PRDM11: variants seen among roughly 807,000 people sequenced by gnomAD.
The protein encoded by PRDM11 is PR domain-containing protein 11.
PRDM11 carries 20 observed loss-of-function variants against 97.8 expected under a neutral mutation model. The ratio of observed to expected loss-of-function variants is 0.20; its 90% CI spans 0.14 to 0.30. The LOEUF is 0.30. Ranked by LOEUF, PRDM11 falls within the 10% of genes least tolerant of loss-of-function variation. PRDM11 has a pLI of 1.00. For synonymous variants in PRDM11, 599 were observed against 637.7 expected (o/e 0.94, Z 0.91); for missense variants, 1,139 against 1,555.2 (o/e 0.73, Z 4.50).
chr11:45,208,649 C>G (rs1029379294), intron 5 of PRDM11, among the ~76,000 whole-genome samples: 1 of 152,092 alleles, frequency 6.6e-6, no homozygotes, highest in Non-Finnish European at 1.5e-5. Flanking sequence ...CCAAGGCCTT[C>G]GACTCTGAGT....
At chr11:45,200,295 G>T (rs1306792522) in intron 4 of PRDM11, among the ~76,000 whole-genome samples, 1 of 152,194 alleles carries the variant, frequency 6.6e-6, no homozygotes, top group Non-Finnish European at 1.5e-5. Context: ...AGATGAAACT[G>T]CCAAGACTGA....
chr11:45,171,146 C>T lies in PRDM11; in HGVS notation c.-6-10615C>T, dbSNP rs1365219707. ...ATGGAGTTTTGCTCTGTCACCCAGG[C>T]TCAAGTGCAATGGTGCAATCTAGGC... On this transcript the variant is annotated intron_variant, in intron 1 of 7. Coordinates refer to ENST00000683152, the MANE Select transcript of PRDM11 (RefSeq NM_001384648.1). Among the ~76,000 whole-genome samples, 3 of 151,958 alleles carry T rather than the reference C, an allele frequency of 2.0e-5. No homozygotes were observed. In the South Asian group the frequency reaches 6.2e-4, roughly 32 times the overall value.
At chr11:45,158,400 G>T (rs1244075842) in intron 1 of PRDM11, among the ~76,000 whole-genome samples, 1 of 152,234 alleles carries the variant, frequency 6.6e-6, no homozygotes, top group Non-Finnish European at 1.5e-5. Flanking sequence ...GACAGGCTGG[G>T]CCCCAGCAGC....
At chr11:45,203,539 T>C (rs1172081038) in intron 4 of PRDM11, among the ~76,000 whole-genome samples, 1 of 151,896 alleles carries the variant, frequency 6.6e-6, no homozygotes, top group East Asian at 1.9e-4. Flanking sequence ...TGAGATATTT[T>C]TCCAGAGAGT....
intron 1 of PRDM11, among the ~76,000 whole-genome samples, chr11:45,148,221 G>T (rs1208222495): frequency 6.6e-6 from 1 of 152,110 alleles, no homozygotes; most frequent in Non-Finnish European, 1.5e-5. Context: ...TAATGGAAAG[G>T]CTTTCTCTCT....
rs538028199 is a variant in PRDM11 at position 45,130,308 on chromosome 11, G to A, written c.96+34407G>A. Reference sequence around the variant, plus strand: ...CTGTTCATTAAAAGACATCAGGAGCGTGAAAAGGCAAAATATACACTGGGA... The same window carrying A: ...CTGTTCATTAAAAGACATCAGGAGCATGAAAAGGCAAAATATACACTGGGA... On this transcript the variant is annotated intron_variant, in intron 1 of 6. Coordinates refer to the PRDM11 transcript ENST00000530656. Among the ~76,000 whole-genome samples, 26 of 152,160 alleles carry A rather than the reference G, an allele frequency of 1.7e-4. No individual in the cohort carries two copies. The South Asian group carries it at 2.5e-3, about 15-fold the overall frequency.
At chr11:45,222,892 T>C (rs1854158601) in intron 6 of PRDM11, among the ~76,000 whole-genome samples, 2 of 152,216 alleles carry the variant, frequency 1.3e-5, no homozygotes. Flanking sequence ...ACCTTTGAGA[T>C]TTCTGAGTTC....
chr11:45,209,233 C>T (rs1345719601), intron 5 of PRDM11: 4 of 412,812 alleles, frequency 9.7e-6, no homozygotes, highest in South Asian at 3.5e-5. Context: ...CTGCTCACGG[C>T]CCGTGCAGGG....
chr11:45,099,175 G>A (rs576303761), intron 1 of PRDM11, among the ~76,000 whole-genome samples: 3 of 151,472 alleles, frequency 2.0e-5, no homozygotes, highest in South Asian at 2.1e-4. Context: ...GCTCTGGGCC[G>A]GGTGTGGTGG....
chr11:45,127,192 T>A (rs886994983), intron 1 of PRDM11, among the ~76,000 whole-genome samples: 1 of 152,238 alleles, frequency 6.6e-6, no homozygotes, highest in Non-Finnish European at 1.5e-5. Flanking sequence ...CTCCATCAGC[T>A]CCTTTAAGCA....
chr11:45,152,528 G>A (rs1434936318), intron 1 of PRDM11, among the ~76,000 whole-genome samples: 2 of 152,152 alleles, frequency 1.3e-5, no homozygotes, highest in African/African-American at 4.8e-5. Flanking sequence ...TTCCCAGAGA[G>A]CTGGGTTTTT....
Position 45,231,463 on chromosome 11 carries a change from T to C in PRDM11, c.*3304T>C, listed in dbSNP as rs1260653254. The C allele has an allele frequency of 1.3e-5, 2 of 152,094 alleles. No individual in the cohort carries two copies. The highest frequency in any genetic ancestry group is 2.9e-5 in the Non-Finnish European group (2 of 68,034). 9.4% of individuals were successfully genotyped at this position (152,094 alleles called of 1,614,324 possible). On this transcript the variant is annotated 3_prime_UTR_variant, in exon 8 of 8. Transcript: ENST00000683152. ...GTTACTTCAGACAAGACAGAGCCCT[T>C]TAACTCAGCCTCTGGCTTAGGAGTG...
chr11:45,230,039 T>TC lies in PRDM11; in HGVS notation c.*1883dup, dbSNP rs1176390351. On this transcript the variant is annotated 3_prime_UTR_variant, in exon 8 of 8. Coordinates refer to ENST00000683152, the MANE Select transcript of PRDM11 (RefSeq NM_001384648.1). ...CACCAGTCCCTTCATCCCCTACCAA[T>TC]CCCTTCCCCTTCACCTCCATGGTCT... is the stretch of plus-strand genomic sequence containing the variant. The TC allele has an allele frequency of 6.6e-6, 1 of 152,170 alleles. No homozygotes were observed. The allele number at this position is 152,170 out of a possible 1,614,324, so 9.4% of individuals were successfully genotyped here.
At chr11:45,153,246 A>T (rs1203259857) in intron 1 of PRDM11, among the ~76,000 whole-genome samples, 1 of 152,232 alleles carries the variant, frequency 6.6e-6, no homozygotes, top group South Asian at 2.1e-4. Context: ...GTCCCTTGGC[A>T]GGGAAAGGGA....
chr11:45,110,439 G>GGA lies in PRDM11; in HGVS notation c.96+14540_96+14541dup, dbSNP rs1411155637. ...TACAATTTTTCTAAAGGGCCAGGTAGGAGTTTGAGGAATTTCTTCTAAGCC... is the reference window on the plus strand; with the variant it reads ...TACAATTTTTCTAAAGGGCCAGGTAGGAGAGTTTGAGGAATTTCTTCTAAGCC... On this transcript the variant is annotated intron_variant, in intron 1 of 6. Transcript: ENST00000530656. Among the ~76,000 whole-genome samples the GGA allele has an allele frequency of 3.3e-5, 5 of 152,226 alleles. No individual in the cohort carries two copies. In the East Asian group the frequency reaches 9.6e-4, roughly 29 times the overall value.
chr11:45,226,826 C>G lies in PRDM11; in HGVS notation c.2201C>G (p.Ala734Gly). Residue 734 changes from alanine (A) to glycine (G), a missense_variant, in exon 8 of 8, where the codon GCC becomes GGC. Physicochemically the swap from Ala to Gly is moderately conservative, Grantham distance 60. Transcript: ENST00000683152. ...KPTVGLGVDG[A>G]NITASLRASM... ...ACTGTTGGCTTGGGTGTAGATGGAG[C>G]CAACATCACAGCCAGCCTCCGTGCC... 6.5e-7 allele frequency: 1 copy of G among 1,532,924 alleles called. No homozygotes were observed. The allele number at this position is 1,532,924 out of a possible 1,614,324, so 95.0% of individuals were successfully genotyped here. A position where few individuals can be genotyped will look rare whatever the true frequency, so the allele number is the denominator to read the frequency against.
At chr11:45,121,059 C>CA in intron 1 of PRDM11, among the ~76,000 whole-genome samples, 1 of 151,738 alleles carries the variant, frequency 6.6e-6, no homozygotes, top group South Asian at 2.1e-4. Context: ...ACAGAAGTGA[C>CA]AAAAATAGTC....
Position 45,127,893 on chromosome 11 carries a change from C to T in PRDM11, c.96+31992C>T, listed in dbSNP as rs369865648. 7.9e-5 allele frequency among the ~76,000 whole-genome samples: 12 copies of T among 152,332 alleles called. No individual in the cohort carries two copies. The South Asian group carries it at 8.3e-4, about 11-fold the overall frequency. ...TCTCTTCAAAGCTGTCAGATAGGGACGTTTAAGTCTGTAGAGGTTACTGCT... is the reference window on the plus strand; with the variant it reads ...TCTCTTCAAAGCTGTCAGATAGGGATGTTTAAGTCTGTAGAGGTTACTGCT... On this transcript the variant is annotated intron_variant, in intron 1 of 6. Coordinates refer to the PRDM11 transcript ENST00000530656.
chr11:45,209,769 G>A (rs1006974999), intron 5 of PRDM11, among the ~76,000 whole-genome samples: 5 of 152,120 alleles, frequency 3.3e-5, no homozygotes, highest in Non-Finnish European at 5.9e-5. Flanking sequence ...TGAGCCAGGG[G>A]CCCCACGTTT....
Sources: gnomAD v4.1 joint callset for allele counts (sites outside exome capture counted in the v4.1 genomes callset) on GRCh38, gnomAD v4.1.1 for gene constraint, MANE v1.5 for transcripts, NCBI Gene and HGNC (gene_info 2026-07-23, HGNC 2026-07-21) for gene names.